Variants in CSNK1G2 observed in about 807,000 individuals in gnomAD.
CSNK1G2 encodes casein kinase I isoform gamma-2.
In CSNK1G2, 11 loss-of-function variants were observed where a neutral mutation model predicts 48.0. The observed-to-expected ratio is 0.23, with a 90% CI of 0.14 to 0.38. The LOEUF (loss-of-function observed/expected upper bound fraction) is 0.38. Among genes scored for constraint, CSNK1G2 ranks in the 10% least tolerant of loss-of-function variants. The pLI is 1.00. For missense variants in CSNK1G2, 446 were observed against 595.5 expected (o/e 0.75, Z 2.61); for synonymous variants, 337 against 254.1 (o/e 1.33, Z -3.10).
chr19:1,979,213 T>C lies in CSNK1G2; in HGVS notation c.733T>C (p.Phe245Leu). 6.5e-7 allele frequency: 1 copy of C among 1,548,040 alleles called. No homozygotes were observed. Among genetic ancestry groups the C allele is most frequent in the South Asian group, 1.2e-5 (1 of 83,960 alleles). ...LEALGHMFMY[F>L]LRGSLPWQGL... Reference sequence around the variant, plus strand: ...GGCGCTGGGCCACATGTTCATGTACTTCCTGCGCGGCAGCCTCCCCTGGCA... The same window carrying C: ...GGCGCTGGGCCACATGTTCATGTACCTCCTGCGCGGCAGCCTCCCCTGGCA... Residue 245 changes from phenylalanine (F) to leucine (L), a missense_variant, in exon 7 of 12, where the codon TTC becomes CTC. By Grantham distance (22) the Phe-to-Leu change is conservative. This residue lies in a region of CSNK1G2 where 258 missense variants were observed against 415.9 expected (regional missense o/e 0.62). Coordinates refer to ENST00000255641, the MANE Select transcript of CSNK1G2 (RefSeq NM_001319.7).
rs940621604 is a variant in CSNK1G2 at position 1,957,123 on chromosome 19, G to A, written c.-265-12385G>A. 1.3e-5 allele frequency among the ~76,000 whole-genome samples: 2 copies of A among 152,186 alleles called. No homozygotes were observed. The highest frequency in any genetic ancestry group is 2.9e-5 in the Non-Finnish European group (2 of 68,030). On this transcript the variant is annotated intron_variant, in intron 1 of 11. Coordinates refer to ENST00000255641, the MANE Select transcript of CSNK1G2 (RefSeq NM_001319.7). The surrounding 1 kb of genome is among the most constrained non-coding windows in gnomAD (Gnocchi z 5.4). ...CGGGATTGGGCCTCTGGGGTCCCCG[G>A]CTGTGGAGAGGGCAAGGCAGGGGCG... is the stretch of plus-strand genomic sequence containing the variant.
intron 1 of CSNK1G2, chr19:1,968,681 G>A (rs2015461376): frequency 6.6e-6 from 1 of 152,562 alleles, no homozygotes; most frequent in African/African-American, 2.4e-5. Context: ...AGGACCAGAG[G>A]CTTCTGTCTT....
chr19:1,947,076 G>C (rs1356834307), intron 1 of CSNK1G2, among the ~76,000 whole-genome samples: 1 of 152,224 alleles, frequency 6.6e-6, no homozygotes, highest in Non-Finnish European at 1.5e-5. Flanking sequence ...AAAAGGCAGA[G>C]AAAATCTTAG....
chr19:1,978,331 G>A lies in CSNK1G2; in HGVS notation c.214G>A (p.Val72Met). 2 of 1,613,560 alleles carry A rather than the reference G, an allele frequency of 1.2e-6. No homozygotes were observed. The highest frequency in any genetic ancestry group is 1.7e-6 in the Non-Finnish European group (2 of 1,179,900). Reference sequence around the variant, plus strand: ...AAAGAATCTCTATACAAATGAATACGTGGCTATCAAATTGGTGAGTCGGCC... The same window carrying A: ...AAAGAATCTCTATACAAATGAATACATGGCTATCAAATTGGTGAGTCGGCC... ...LGKNLYTNEY[V>M]AIKLEPIKSR... Residue 72 changes from valine (V) to methionine (M), a missense_variant, in exon 3 of 12, where the codon GTG (valine) becomes ATG (methionine). Transcript: ENST00000255641. The surrounding 1 kb of genome is among the most constrained non-coding windows in gnomAD (Gnocchi z 7.3).
Position 1,979,521 on chromosome 19 carries a change from G to A in CSNK1G2, c.880G>A (p.Val294Met). The change falls in exon 9 of 12, where the codon GTG becomes ATG. Residue 294 changes from valine to methionine, a missense_variant. Coordinates refer to ENST00000255641, the MANE Select transcript of CSNK1G2 (RefSeq NM_001319.7). ...GGAGATGGCCACGTACCTGCGCTAT[G>A]TGCGGCGCCTGGACTTCTTCGAGAA... Reference protein sequence around the residue: ...PEEMATYLRYVRRLDFFEKPD... With the variant: ...PEEMATYLRYMRRLDFFEKPD... The A allele has an allele frequency of 6.2e-7, 1 of 1,604,662 alleles. No homozygotes were observed. The highest frequency in any genetic ancestry group is 8.5e-7 in the Non-Finnish European group (1 of 1,179,386).
In CSNK1G2 at chr19:1,957,956, G is replaced by A. The variant is rs901970382; in HGVS notation, c.-265-11552G>A. ...GGCAGAGCCAGCCTCATGTCACCACGTGCTTCCCCCGTGTGCAGGGAGGGG... is the reference window on the plus strand; with the variant it reads ...GGCAGAGCCAGCCTCATGTCACCACATGCTTCCCCCGTGTGCAGGGAGGGG... On this transcript the variant is annotated intron_variant, in intron 1 of 11. Coordinates refer to ENST00000255641, the MANE Select transcript of CSNK1G2 (RefSeq NM_001319.7). This position sits in a 1 kb window ranked among gnomAD's most constrained non-coding sequence, Gnocchi z 5.4. Among the ~76,000 whole-genome samples, 9 of 152,312 alleles carry A rather than the reference G, an allele frequency of 5.9e-5. No individual in the cohort carries two copies. The highest frequency in any genetic ancestry group is 6.8e-3 in the Middle Eastern group (2 of 294).
chr19:1,980,017 A>T lies in CSNK1G2; in HGVS notation c.1193A>T (p.Lys398Ile). 6.3e-7 allele frequency: 1 copy of T among 1,578,864 alleles called. No homozygotes were observed. The highest frequency in any genetic ancestry group is 8.6e-7 in the Non-Finnish European group (1 of 1,162,212). The change falls in exon 11 of 12, where the codon AAA (lysine) becomes ATA (isoleucine). Residue 398 changes from lysine to isoleucine, a missense_variant and splice_region_variant. Lys to Ile is a moderately radical substitution (Grantham distance 102). Transcript: ENST00000255641. Reference sequence around the variant, plus strand: ...GAGGTGGAGGTGGCCGATGAAACCAAGTAAGGCTCTGGGGCGGTGCCTTCG... The same window carrying T: ...GAGGTGGAGGTGGCCGATGAAACCATGTAAGGCTCTGGGGCGGTGCCTTCG... Reference protein sequence around the residue: ...PAEVEVADETKCCCFFKRRKR... With the variant: ...PAEVEVADETICCCFFKRRKR...
intron 2 of CSNK1G2, chr19:1,975,754 G>C: frequency 3.0e-6 from 3 of 985,406 alleles, no homozygotes; most frequent in Non-Finnish European, 3.6e-6. Flanking sequence ...TTCGAAATCT[G>C]ACCAGGCACA....
chr19:1,970,731 A>AT (rs2015538954), intron 2 of CSNK1G2, among the ~76,000 whole-genome samples: 1 of 152,198 alleles, frequency 6.6e-6, no homozygotes, highest in Non-Finnish European at 1.5e-5. Context: ...GCGGGAGGGC[A>AT]TTTGGCGTCT....
chr19:1,970,826 A>C (rs1039755263), intron 2 of CSNK1G2, among the ~76,000 whole-genome samples: 1 of 152,168 alleles, frequency 6.6e-6, no homozygotes, highest in Admixed American at 6.5e-5. Context: ...GAAAGAGCGC[A>C]GGATGGGCAG....
intron 2 of CSNK1G2, among the ~76,000 whole-genome samples, chr19:1,972,280 G>A (rs187240006): frequency 7.2e-5 from 11 of 152,336 alleles, no homozygotes; most frequent in Admixed American, 2.0e-4. Flanking sequence ...AGAACTAACT[G>A]CCCAAATAGA....
At chr19:1,948,621 A>G (rs896368834) in intron 1 of CSNK1G2, among the ~76,000 whole-genome samples, 3 of 151,598 alleles carry the variant, frequency 2.0e-5, no homozygotes, top group African/African-American at 7.3e-5. Context: ...TCCTTAGAGC[A>G]TGAGCCACTT....
intron 1 of CSNK1G2, among the ~76,000 whole-genome samples, chr19:1,959,619 C>T (rs1366566069): frequency 1.6e-5 from 2 of 124,188 alleles, no homozygotes; most frequent in Non-Finnish European, 3.3e-5. Flanking sequence ...CCCCCAGCAC[C>T]CGTGCCACCT....
intron 1 of CSNK1G2, among the ~76,000 whole-genome samples, chr19:1,946,716 C>T (rs2014578208): frequency 6.6e-6 from 1 of 151,628 alleles, no homozygotes; most frequent in Non-Finnish European, 1.5e-5. Flanking sequence ...GGGTTCACGC[C>T]ATTCTCCTGC....
At chr19:1,967,157 C>A (rs977750348) in intron 1 of CSNK1G2, among the ~76,000 whole-genome samples, 7 of 152,198 alleles carry the variant, frequency 4.6e-5, no homozygotes, top group Non-Finnish European at 1.0e-4. Flanking sequence ...TGTTGCCGTG[C>A]GGAACCCAAG....
intron 1 of CSNK1G2, among the ~76,000 whole-genome samples, chr19:1,959,526 CCT>C (rs1254219941): frequency 4.1e-5 from 6 of 147,050 alleles, no homozygotes; most frequent in Non-Finnish European, 9.0e-5. Context: ...TTAGTACCAC[CCT>C]GAGTCCCCCA....
At chr19:1,945,776 C>T (rs1163826718) in intron 1 of CSNK1G2, among the ~76,000 whole-genome samples, 5 of 149,542 alleles carry the variant, frequency 3.3e-5, no homozygotes, top group East Asian at 2.0e-4. Context: ...GAGCCAGGAT[C>T]GCGCCACTGC....
At position 1,978,575 on chromosome 19, in the gene CSNK1G2, C is replaced by T. The variant is rs748592136; in HGVS notation, c.299-27C>T. ...GGGCAGGGAGGGGGCTGCCGCCGCA[C>T]GCCCGTGCGTCTGTCCTCCGCCGCA... On this transcript the variant is annotated intron_variant, in intron 4 of 11. Transcript: ENST00000255641. This position sits in a 1 kb window ranked among gnomAD's most constrained non-coding sequence, Gnocchi z 7.3. 1.1e-5 allele frequency: 17 copies of T among 1,576,334 alleles called. 1 individual carries two copies. Among genetic ancestry groups the T allele is most frequent in the African/African-American group, 4.0e-5 (3 of 74,098 alleles).
At chr19:1,965,200 A>ACT (rs1366856245) in intron 1 of CSNK1G2, among the ~76,000 whole-genome samples, 3 of 149,488 alleles carry the variant, frequency 2.0e-5, no homozygotes, top group Non-Finnish European at 4.5e-5. Context: ...TCGAGACCAC[A>ACT]GTGAAACCGC....
Sources: gnomAD v4.1 joint callset for allele counts (sites outside exome capture counted in the v4.1 genomes callset) on GRCh38, gnomAD v4.1.1 for gene constraint, gnomAD v4.1.1 regional missense constraint, Gnocchi (gnomAD v3.1) non-coding constraint, MANE v1.5 for transcripts, NCBI Gene and HGNC (gene_info 2026-07-23, HGNC 2026-07-21) for gene names.